The following TENM3 variants were observed in gnomAD, a reference collection of about 807,000 sequenced individuals.
The protein encoded by TENM3 is teneurin transmembrane protein 3.
Under a neutral mutation model 255.1 loss-of-function variants are expected in TENM3, and 63 were observed. The observed-to-expected ratio is 0.25, with a 90% CI of 0.20 to 0.30. The LOEUF is 0.30. Among genes scored for constraint, TENM3 ranks in the 10% least tolerant of loss-of-function variants. The probability of loss-of-function intolerance (pLI) is 1.00; values close to 1 mark genes in which losing one functional copy is unlikely to be tolerated. For missense variants in TENM3, 2,929 were observed against 3,461.1 expected, an observed-to-expected ratio of 0.85 and a Z score of 3.86; for synonymous variants, 1,306 against 1,322.3, an observed-to-expected ratio of 0.99 and a Z score of 0.27.
intron 3 of TENM3, among the ~76,000 whole-genome samples, chr4:182,492,576 C>G (rs1388783581): frequency 6.6e-6 from 1 of 152,078 alleles, no homozygotes; most frequent in African/African-American, 2.4e-5. Context: ...CATGAGAATC[C>G]TAAGCCACTG....
At chr4:181,450,327 T>C in the TENM3 span, among the ~76,000 whole-genome samples, 6 of 152,208 alleles carry the variant, frequency 3.9e-5, no homozygotes, top group African/African-American at 1.4e-4. Flanking sequence ...TCCATATTAC[T>C]GGGGTAAGTA....
At chr4:182,441,361 A>G (rs191307626) in intron 3 of TENM3, among the ~76,000 whole-genome samples, 1 of 152,346 alleles carries the variant, frequency 6.6e-6, no homozygotes, top group Non-Finnish European at 1.5e-5. Flanking sequence ...GAAAACAATA[A>G]TTACAGAATA....
chr4:182,165,300 G>A (rs940050541), intron 1 of TENM3, among the ~76,000 whole-genome samples: 3 of 152,056 alleles, frequency 2.0e-5, no homozygotes, highest in Non-Finnish European at 4.4e-5. Flanking sequence ...GATGCATTAG[G>A]GCTGAGATTA....
intron 1 of TENM3, among the ~76,000 whole-genome samples, chr4:182,294,190 C>A (rs1372266814): frequency 6.6e-6 from 1 of 152,104 alleles, no homozygotes; most frequent in East Asian, 1.9e-4. Context: ...TGTGAAACTT[C>A]AGTCGTGGTT....
the TENM3 span, among the ~76,000 whole-genome samples, chr4:181,595,876 C>T: frequency 3.9e-5 from 6 of 152,162 alleles, no homozygotes; most frequent in Non-Finnish European, 7.3e-5. Context: ...ATTCAGGTCT[C>T]GGTTCAGATA....
the TENM3 span, among the ~76,000 whole-genome samples, chr4:182,062,091 T>G: frequency 6.6e-6 from 1 of 152,352 alleles, no homozygotes; most frequent in South Asian, 2.1e-4. Context: ...ATATTATATG[T>G]ATTTCACAAA....
chr4:182,123,411 G>A, the TENM3 span, among the ~76,000 whole-genome samples: 1 of 152,140 alleles, frequency 6.6e-6, no homozygotes, highest in South Asian at 2.1e-4. Flanking sequence ...AGCTTTTGAT[G>A]TAAGTGAGAG....
At chr4:182,258,904 C>G (rs1758604202) in intron 1 of TENM3, among the ~76,000 whole-genome samples, 1 of 152,206 alleles carries the variant, frequency 6.6e-6, no homozygotes, top group Admixed American at 6.5e-5. Flanking sequence ...AGAAACTCGA[C>G]ATTTAAACAC....
chr4:181,807,360 T>C, the TENM3 span, among the ~76,000 whole-genome samples: 1 of 152,242 alleles, frequency 6.6e-6, no homozygotes, highest in Non-Finnish European at 1.5e-5. Flanking sequence ...TCGAACACTT[T>C]TTTTCTTTTT....
At chr4:181,470,281 G>C in the TENM3 span, among the ~76,000 whole-genome samples, 1 of 152,124 alleles carries the variant, frequency 6.6e-6, no homozygotes, top group Non-Finnish European at 1.5e-5. Flanking sequence ...TCTTTGTGGA[G>C]AATAAATTTG....
chr4:182,669,308 T>C (rs6552590), intron 6 of TENM3, among the ~76,000 whole-genome samples: 47,217 of 151,882 alleles, frequency 0.31, 7,715 homozygotes, highest in East Asian at 0.56. Context: ...CTCACTCTGT[T>C]GCCCAGGCTG....
At chr4:182,795,456 G>A (rs1038965584) in intron 26 of TENM3, among the ~76,000 whole-genome samples, 3 of 152,032 alleles carry the variant, frequency 2.0e-5, no homozygotes, top group African/African-American at 7.2e-5. Flanking sequence ...CATCCTGTGT[G>A]AACCACTTAG....
the TENM3 span, among the ~76,000 whole-genome samples, chr4:181,574,572 G>T: frequency 6.6e-6 from 1 of 152,086 alleles, no homozygotes; most frequent in African/African-American, 2.4e-5. Flanking sequence ...AGTTTATCAG[G>T]ATATGATCAT....
At chr4:182,459,136 G>T (rs996289615) in intron 3 of TENM3, among the ~76,000 whole-genome samples, 2 of 152,034 alleles carry the variant, frequency 1.3e-5, no homozygotes, top group African/African-American at 2.4e-5. Flanking sequence ...TCCTTCACAG[G>T]CTTGACTAAC....
chr4:181,811,822 GTGAGAT>G, the TENM3 span, among the ~76,000 whole-genome samples: 1 of 152,188 alleles, frequency 6.6e-6, no homozygotes, highest in African/African-American at 2.4e-5. Context: ...ACAATTCAAG[GTGAGAT>G]TTCGGTGGGG....
At chr4:181,543,051 C>A in the TENM3 span, among the ~76,000 whole-genome samples, 1 of 152,272 alleles carries the variant, frequency 6.6e-6, no homozygotes, top group Admixed American at 6.5e-5. Context: ...AGGATGAATG[C>A]AAACTTCAGA....
At chr4:182,261,420 G>C (rs1160940548) in intron 1 of TENM3, among the ~76,000 whole-genome samples, 1 of 152,124 alleles carries the variant, frequency 6.6e-6, no homozygotes, top group Non-Finnish European at 1.5e-5. Flanking sequence ...CTCCCCTGTG[G>C]CAGCCAGGTC....
At chr4:182,397,690 A>G (rs1361544407) in intron 3 of TENM3, among the ~76,000 whole-genome samples, 8 of 152,178 alleles carry the variant, frequency 5.3e-5, no homozygotes, top group Non-Finnish European at 1.2e-4. Context: ...ATCATGCGCT[A>G]AACCAGTGGT....
chr4:182,306,881 C>T (rs557598650), intron 1 of TENM3, among the ~76,000 whole-genome samples: 106 of 152,276 alleles, frequency 7.0e-4, no homozygotes, highest in South Asian at 1.5e-3. Context: ...TTGAATGCTG[C>T]AATTTCCCAT....
Sources: allele counts gnomAD v4.1 joint callset (sites outside exome capture counted in the v4.1 genomes callset), GRCh38; gene constraint gnomAD v4.1.1; transcripts MANE v1.5; gene names NCBI Gene and HGNC (gene_info 2026-07-23, HGNC 2026-07-21).